ITFG1: variants seen among roughly 807,000 people sequenced by gnomAD.
The protein encoded by ITFG1 is T-cell immunomodulatory protein.
In ITFG1, 34 loss-of-function variants were observed where a neutral mutation model predicts 81.8. That is an observed-to-expected ratio of 0.42 (90% CI 0.32 to 0.55). The LOEUF (loss-of-function observed/expected upper bound fraction) is 0.55. Ranked by LOEUF, ITFG1 falls within the 20% of genes least tolerant of loss-of-function variation. The pLI, the probability that ITFG1 is intolerant of heterozygous loss-of-function variation, is 0.17. For missense variants in ITFG1, 672 were observed against 755.4 expected, an observed-to-expected ratio of 0.89 and a Z score of 1.29; for synonymous variants, 285 against 270.6, an observed-to-expected ratio of 1.05 and a Z score of -0.52.
At chr16:47,203,718 G>A (rs151020544) in intron 14 of ITFG1, among the ~76,000 whole-genome samples, 43 of 152,302 alleles carry the variant, frequency 2.8e-4, no homozygotes, top group African/African-American at 9.1e-4. Context: ...ATGAAGCTTT[G>A]CTTGCTCACC....
At chr16:47,299,321 T>A (rs979699882) in intron 10 of ITFG1, 1 of 152,768 alleles carries the variant, frequency 6.5e-6, no homozygotes, top group Non-Finnish European at 1.5e-5. Context: ...GGTGTTACAG[T>A]TAAGGCTTGA....
intron 5 of ITFG1, among the ~76,000 whole-genome samples, chr16:47,447,831 T>C (rs576733985): frequency 2.9e-4 from 44 of 152,320 alleles, no homozygotes; most frequent in South Asian, 1.2e-3. Context: ...GAAAAGAAAT[T>C]AATGTATCTC....
chr16:47,436,806 C>G (rs1012778049), intron 5 of ITFG1, among the ~76,000 whole-genome samples: 1 of 152,092 alleles, frequency 6.6e-6, no homozygotes, highest in African/African-American at 2.4e-5. Flanking sequence ...CTGGAAAGCC[C>G]CTGAGTTGTA....
intron 10 of ITFG1, among the ~76,000 whole-genome samples, chr16:47,288,525 T>C (rs973992814): frequency 2.0e-5 from 3 of 152,186 alleles, no homozygotes; most frequent in Non-Finnish European, 4.4e-5. Flanking sequence ...CCACCCTGTT[T>C]TCCGTAATGG....
chr16:47,323,026 T>C (rs1051845561), intron 8 of ITFG1, among the ~76,000 whole-genome samples: 2 of 152,154 alleles, frequency 1.3e-5, no homozygotes, highest in Non-Finnish European at 2.9e-5. Context: ...GGCTTCAATA[T>C]TATCTCATGG....
intron 13 of ITFG1, among the ~76,000 whole-genome samples, chr16:47,227,562 C>T (rs897878842): frequency 3.3e-5 from 5 of 152,066 alleles, no homozygotes; most frequent in Admixed American, 6.5e-5. Context: ...TCTTGTGTGC[C>T]TATTGTCTTA....
At position 47,429,776 on chromosome 16, in the gene ITFG1, T is replaced by C. The variant is rs114570483; in HGVS notation, c.561-878A>G. On this transcript the variant is annotated intron_variant, in intron 5 of 17. Coordinates refer to ENST00000320640, the MANE Select transcript of ITFG1 (RefSeq NM_030790.5). The stretch of plus-strand genomic sequence containing the variant: ...TTCCATTCTTAAATTGTGTTATGTA[T>C]GTTATGTATTGCTTTACTGCTATCC... Among the ~76,000 whole-genome samples the C allele has an allele frequency of 1.6e-3, 239 of 152,294 alleles. 2 individuals are homozygous for C. The highest frequency in any genetic ancestry group is 5.4e-3 in the African/African-American group (223 of 41,560).
At chr16:47,158,480 G>A (rs1964749932) in intron 17 of ITFG1, among the ~76,000 whole-genome samples, 1 of 152,192 alleles carries the variant, frequency 6.6e-6, no homozygotes, top group South Asian at 2.1e-4. Flanking sequence ...CAAAGAGATA[G>A]CTGATAATCC....
chr16:47,444,767 A>T (rs990029953), intron 5 of ITFG1, among the ~76,000 whole-genome samples: 2 of 152,224 alleles, frequency 1.3e-5, no homozygotes, highest in African/African-American at 4.8e-5. Flanking sequence ...TTCCAGTCAC[A>T]TCTGCAACAA....
chr16:47,397,019 C>T (rs1968602301), intron 6 of ITFG1, among the ~76,000 whole-genome samples: 7 of 151,968 alleles, frequency 4.6e-5, no homozygotes, highest in Admixed American at 6.6e-5. Context: ...TTGATAGATG[C>T]TAGTAATAAA....
chr16:47,451,456 A>G lies in ITFG1; in HGVS notation c.500T>C (p.Leu167Pro). The G allele has an allele frequency of 1.3e-6, 2 of 1,570,676 alleles. No individual in the cohort carries two copies. Among genetic ancestry groups the G allele is most frequent in the Non-Finnish European group, 1.8e-6 (2 of 1,142,132 alleles). The change falls in exon 5 of 18, where the codon CTA becomes CCA. Residue 167 changes from leucine (L) to proline (P), a missense_variant. By Grantham distance (98) the Leu-to-Pro change is moderately conservative (BLOSUM62 -3). Transcript: ENST00000320640. ...TGTGATACCAAAAATATCAGGAATT[A>G]GATCACCATTGAAACTGAAAAAAAA... is the stretch of plus-strand genomic sequence containing the variant. ...EPLIMDFNGD[L>P]IPDIFGITNE...
At chr16:47,249,518 C>G (rs952450579) in intron 12 of ITFG1, among the ~76,000 whole-genome samples, 1 of 152,004 alleles carries the variant, frequency 6.6e-6, no homozygotes, top group African/African-American at 2.4e-5. Context: ...TTCTAATACT[C>G]CTAGGGACTT....
At chr16:47,177,542 T>A (rs569985604) in intron 14 of ITFG1, among the ~76,000 whole-genome samples, 2 of 152,206 alleles carry the variant, frequency 1.3e-5, no homozygotes, top group Admixed American at 1.3e-4. Flanking sequence ...ACAACTGACA[T>A]GTAAACTTTT....
At chr16:47,274,295 A>G (rs1398717680) in intron 10 of ITFG1, among the ~76,000 whole-genome samples, 2 of 152,098 alleles carry the variant, frequency 1.3e-5, no homozygotes, top group Non-Finnish European at 2.9e-5. Flanking sequence ...GTAAGATTCA[A>G]TCTTATCATC....
In ITFG1 at chr16:47,155,822, T is replaced by A. The variant is rs114069058; in HGVS notation, c.1780-44A>T. On this transcript the variant is annotated intron_variant, in intron 17 of 17. Coordinates refer to ENST00000320640, the MANE Select transcript of ITFG1 (RefSeq NM_030790.5). Reference sequence around the variant, plus strand: ...CTCGTTTATAAATGGTAGAAAGATGTTATGAAAAGACTCATTTCTGAAATA... The same window carrying A: ...CTCGTTTATAAATGGTAGAAAGATGATATGAAAAGACTCATTTCTGAAATA... 965 of 1,398,250 alleles carry A rather than the reference T, an allele frequency of 6.9e-4. 9 individuals are homozygous for A. In the African/African-American group the frequency reaches 0.013, roughly 19 times the overall value. 86.6% of individuals were successfully genotyped at this position (1,398,250 alleles called of 1,614,324 possible). A position where few individuals can be genotyped will look rare whatever the true frequency, so the allele number is the denominator to read the frequency against.
At chr16:47,389,072 G>A (rs1052533420) in intron 6 of ITFG1, among the ~76,000 whole-genome samples, 11 of 152,030 alleles carry the variant, frequency 7.2e-5, no homozygotes, top group Admixed American at 4.6e-4. Flanking sequence ...CCCTTTTTCA[G>A]GGCTCAGACT....
intron 13 of ITFG1, among the ~76,000 whole-genome samples, chr16:47,219,851 G>C (rs962111265): frequency 3.9e-5 from 6 of 152,130 alleles, no homozygotes; most frequent in African/African-American, 1.2e-4. Flanking sequence ...TGAGAAAATA[G>C]GTTGCTATAA....
intron 13 of ITFG1, among the ~76,000 whole-genome samples, chr16:47,219,859 T>C (rs1965669736): frequency 6.6e-6 from 1 of 152,198 alleles, no homozygotes; most frequent in South Asian, 2.1e-4. Flanking sequence ...TAGGTTGCTA[T>C]AAGGATGGAA....
rs142676591 is a variant in ITFG1 at position 47,189,381 on chromosome 16, A to T, written c.1454-26717T>A. Among the ~76,000 whole-genome samples the T allele has an allele frequency of 5.0e-3, 758 of 152,260 alleles. 7 individuals carry two copies. The highest frequency in any genetic ancestry group is 0.017 in the African/African-American group (725 of 41,548). On this transcript the variant is annotated intron_variant, in intron 14 of 17. Transcript: ENST00000320640. ...TTAGTTCCCATTTCTTCCTCCCTCCAGCCCCTGGTAACCACTACTGTCCTT... is the reference window on the plus strand; with the variant it reads ...TTAGTTCCCATTTCTTCCTCCCTCCTGCCCCTGGTAACCACTACTGTCCTT...
Sources: allele counts gnomAD v4.1 joint callset (sites outside exome capture counted in the v4.1 genomes callset), GRCh38; gene constraint gnomAD v4.1.1; transcripts MANE v1.5; gene names NCBI Gene and HGNC (gene_info 2026-07-23, HGNC 2026-07-21).